AKT3: variants seen among roughly 807,000 people sequenced by gnomAD.
The protein encoded by AKT3 is RAC-gamma serine/threonine-protein kinase.
AKT3 carries 15 observed loss-of-function variants against 65.3 expected under a neutral mutation model. The observed-to-expected ratio is 0.23, with a 90% CI of 0.15 to 0.35. The LOEUF (loss-of-function observed/expected upper bound fraction) is 0.35. AKT3 is among the 10% of genes least tolerant of loss of function. The pLI is 1.00. For missense variants in AKT3, 243 were observed against 576.5 expected (o/e 0.42, Z 5.92); for synonymous variants, 206 against 183.8 (o/e 1.12, Z -0.98).
chr1:243,511,022 C>CGGAG (rs1669978333), intron 13 of AKT3, among the ~76,000 whole-genome samples: 1 of 152,364 alleles, frequency 6.6e-6, no homozygotes, highest in African/African-American at 2.4e-5. Context: ...CCCATGACTC[C>CGGAG]ACAGGCTTTC....
intron 2 of AKT3, among the ~76,000 whole-genome samples, chr1:243,830,901 T>C (rs1288839065): frequency 6.6e-6 from 1 of 152,202 alleles, no homozygotes; most frequent in Non-Finnish European, 1.5e-5. Context: ...AACCATTCAG[T>C]CAAATCTACC....
chr1:243,800,670 A>T (rs1317621069), intron 2 of AKT3, among the ~76,000 whole-genome samples: 3 of 151,990 alleles, frequency 2.0e-5, no homozygotes, highest in Non-Finnish European at 4.4e-5. Flanking sequence ...GTGAGCCAAG[A>T]TCGCGCCATT....
chr1:243,691,007 T>C (rs1347293658), intron 3 of AKT3, among the ~76,000 whole-genome samples: 1 of 152,120 alleles, frequency 6.6e-6, no homozygotes, highest in Non-Finnish European at 1.5e-5. Flanking sequence ...GAATGAGACA[T>C]GCACAGGAAC....
chr1:243,581,630 T>C (rs1278599658), intron 8 of AKT3, among the ~76,000 whole-genome samples: 2 of 151,988 alleles, frequency 1.3e-5, no homozygotes, highest in Admixed American at 1.3e-4. Context: ...AAGTTACAAG[T>C]GTTAGGGTCT....
chr1:243,645,181 C>A (rs10927052), intron 5 of AKT3, among the ~76,000 whole-genome samples: 118,367 of 152,026 alleles, frequency 0.78, 47,055 homozygotes, highest in Non-Finnish European at 0.86. Flanking sequence ...GTGTTTTCCT[C>A]CCTGAAGATT....
chr1:243,682,441 T>C lies in AKT3; in HGVS notation c.172+13150A>G, dbSNP rs956823116. Among the ~76,000 whole-genome samples the C allele has an allele frequency of 3.8e-4, 58 of 152,276 alleles. 1 individual carries two copies. The highest frequency in any genetic ancestry group is 1.3e-3 in the African/African-American group (54 of 41,574). Reference sequence around the variant, plus strand: ...ATGGAGTATTTATTTGTCAGTAAAATTATTTTATATTCTACCAGGAGAAAA... The same window carrying C: ...ATGGAGTATTTATTTGTCAGTAAAACTATTTTATATTCTACCAGGAGAAAA... On this transcript the variant is annotated intron_variant, in intron 3 of 13. Coordinates refer to ENST00000673466, the MANE Select transcript of AKT3 (RefSeq NM_005465.7).
At chr1:243,702,205 T>C (rs999907999) in intron 2 of AKT3, among the ~76,000 whole-genome samples, 1 of 151,996 alleles carries the variant, frequency 6.6e-6, no homozygotes, top group African/African-American at 2.4e-5. Context: ...ACCAATGCTA[T>C]GTTGTGTAAC....
downstream of AKT3, among the ~76,000 whole-genome samples, chr1:243,497,901 C>G (rs905828714): frequency 6.6e-6 from 1 of 152,130 alleles, no homozygotes; most frequent in Non-Finnish European, 1.5e-5. Context: ...AGGCTGGTCT[C>G]GAACTCCTGG....
At chr1:243,740,749 A>G (rs1385540682) in intron 2 of AKT3, 2 of 152,216 alleles carry the variant, frequency 1.3e-5, no homozygotes, top group Non-Finnish European at 2.9e-5. Context: ...TGGTTCTGCA[A>G]TTCAATCAGC....
chr1:243,514,699 G>A (rs554734167), intron 12 of AKT3, among the ~76,000 whole-genome samples: 3 of 152,238 alleles, frequency 2.0e-5, no homozygotes, highest in South Asian at 2.1e-4. Context: ...GGCAGCGGGC[G>A]CCTGTAGTCC....
intron 13 of AKT3, among the ~76,000 whole-genome samples, chr1:243,493,697 A>G (rs1050421033): frequency 3.3e-5 from 5 of 152,090 alleles, no homozygotes; most frequent in African/African-American, 1.2e-4. Flanking sequence ...CATTCTTGGC[A>G]GTGAATTTAC....
chr1:243,552,608 G>T, intron 11 of AKT3, 121 bp downstream of exon 11: 1 of 879,662 alleles, frequency 1.1e-6, no homozygotes, highest in Non-Finnish European at 1.8e-6. Flanking sequence ...CAGGATCTCA[G>T]TGGGAAGATG....
Position 243,738,831 on chromosome 1 carries a change from A to G in AKT3, c.47-43115T>C, listed in dbSNP as rs560992808. On this transcript the variant is annotated intron_variant, in intron 2 of 13. Coordinates refer to ENST00000673466, the MANE Select transcript of AKT3 (RefSeq NM_005465.7). The stretch of plus-strand genomic sequence containing the variant: ...AATGCTAAAATCCAATGGTAGAAGA[A>G]TATTGTTTTAACTACATTATTTTAG... Among the ~76,000 whole-genome samples the G allele has an allele frequency of 2.0e-5, 3 of 152,346 alleles. No homozygotes were observed. The South Asian group carries it at 6.2e-4, about 32-fold the overall frequency.
intron 1 of AKT3, among the ~76,000 whole-genome samples, chr1:243,846,959 T>G (rs1695546404): frequency 1.3e-5 from 2 of 152,218 alleles, no homozygotes; most frequent in South Asian, 4.1e-4. Flanking sequence ...ACATGGCAAC[T>G]GCTTACCAGG....
chr1:243,587,291 T>C (rs934310248), intron 8 of AKT3, among the ~76,000 whole-genome samples: 19 of 152,182 alleles, frequency 1.2e-4, no homozygotes, highest in African/African-American at 4.6e-4. Flanking sequence ...AGTTCGGTAG[T>C]TGCTCTCCTA....
chr1:243,725,076 G>A (rs1687128139), intron 2 of AKT3, among the ~76,000 whole-genome samples: 1 of 151,612 alleles, frequency 6.6e-6, no homozygotes, highest in African/African-American at 2.4e-5. Flanking sequence ...CTGGCATGAT[G>A]ATGCATGCCC....
intron 6 of AKT3, among the ~76,000 whole-genome samples, chr1:243,617,837 T>TAG (rs1678446135): frequency 2.6e-5 from 4 of 152,072 alleles, no homozygotes; most frequent in Admixed American, 2.0e-4. Context: ...AAAAAGGGGA[T>TAG]AGTTCTGAGA....
At chr1:243,745,646 T>C (rs370542578) in intron 2 of AKT3, among the ~76,000 whole-genome samples, 2 of 152,178 alleles carry the variant, frequency 1.3e-5, no homozygotes, top group African/African-American at 4.8e-5. Context: ...CAGCTTTGAA[T>C]GCGCCTCAAC....
chr1:243,700,861 A>G (rs1249359696), intron 2 of AKT3, among the ~76,000 whole-genome samples: 3 of 152,188 alleles, frequency 2.0e-5, no homozygotes, highest in Non-Finnish European at 4.4e-5. Flanking sequence ...ACTCATGCTC[A>G]CTTTCCACCT....
Sources: gnomAD v4.1 joint callset for allele counts (sites outside exome capture counted in the v4.1 genomes callset) on GRCh38, gnomAD v4.1.1 for gene constraint, MANE v1.5 for transcripts, NCBI Gene and HGNC (gene_info 2026-07-23, HGNC 2026-07-21) for gene names.